Variants in MAGI1 observed in about 807,000 individuals in gnomAD.
MAGI1 encodes the protein membrane associated guanylate kinase, WW and PDZ domain containing 1.
MAGI1 carries 58 observed loss-of-function variants against 139.9 expected under a neutral mutation model. The observed-to-expected ratio is 0.41, with a 90% CI of 0.34 to 0.52. The LOEUF (loss-of-function observed/expected upper bound fraction) is 0.52, where lower values mean the gene tolerates loss of function less well. Ranked by LOEUF, MAGI1 falls within the 20% of genes least tolerant of loss-of-function variation. The pLI, the probability that MAGI1 is intolerant of heterozygous loss-of-function variation, is 0.12. For synonymous variants in MAGI1, 812 were observed against 737.9 expected, an observed-to-expected ratio of 1.10 and a Z score of -1.63; for missense variants, 1,874 against 1,901.6, an observed-to-expected ratio of 0.99 and a Z score of 0.27.
At chr3:65,506,501 A>C (rs1230794457) in intron 2 of MAGI1, among the ~76,000 whole-genome samples, 6 of 152,194 alleles carry the variant, frequency 3.9e-5, no homozygotes, top group Non-Finnish European at 8.8e-5. Context: ...TCCAACCTTG[A>C]TGAAATTTTC....
Position 65,430,079 on chromosome 3 carries a change from C to T in MAGI1, c.1608G>A (p.Val536=). The T allele has an allele frequency of 6.2e-7, 1 of 1,613,812 alleles. No individual in the cohort carries two copies. The highest frequency in any genetic ancestry group is 1.3e-5 in the African/African-American group (1 of 75,016). ...CAATGGGGATGGACTGGAAGATCTT[C>T]ACAACTTGAGCATGTGTGTGTCCCA... is the stretch of plus-strand genomic sequence containing the variant. ...CVLGHTHAQV[V]KIFQSIPIGA... is the part of the protein sequence containing the mutation. Residue 536 remains valine, a synonymous_variant, in exon 12 of 23, where the codon GTG becomes GTA. Transcript: ENST00000402939.
At chr3:65,805,738 C>T (rs1269058858) in intron 1 of MAGI1, among the ~76,000 whole-genome samples, 6 of 152,126 alleles carry the variant, frequency 3.9e-5, no homozygotes, top group African/African-American at 1.4e-4. Flanking sequence ...ACATATACAC[C>T]GTGGAATACT....
intron 1 of MAGI1, among the ~76,000 whole-genome samples, chr3:65,918,405 G>A (rs536498902): frequency 3.4e-4 from 46 of 136,220 alleles, no homozygotes; most frequent in African/African-American, 1.3e-3. Context: ...TTTGTGAGAC[G>A]GAGTCTCGCT....
At chr3:65,672,602 T>C (rs1390981229) in intron 1 of MAGI1, among the ~76,000 whole-genome samples, 2 of 152,108 alleles carry the variant, frequency 1.3e-5, no homozygotes, top group African/African-American at 4.8e-5. Flanking sequence ...AAAAGGATAC[T>C]GAATAGAAGG....
In MAGI1 at chr3:65,356,904, T is replaced by C. The variant is rs765843799; in HGVS notation, c.3863A>G (p.Lys1288Arg). The C allele has an allele frequency of 6.2e-6, 10 of 1,614,030 alleles. No individual in the cohort carries two copies. The highest frequency in any genetic ancestry group is 6.8e-6 in the Non-Finnish European group (8 of 1,180,000). ...GGGTCGGCATGCCCCGCTGTCGGGT[T>C]TCCTCGAAGTCCCATTCCAGGTGTG... Reference protein sequence around the residue: ...EHHTWNGTSRKPDSGACRPKD... With the variant: ...EHHTWNGTSRRPDSGACRPKD... Residue 1288 changes from lysine (K) to arginine (R), a missense_variant, in exon 23 of 23, where the codon AAA (lysine) becomes AGA (arginine). This residue lies in a region of MAGI1 where 653 missense variants were observed against 644.5 expected (regional missense o/e 1.01). Transcript: ENST00000402939.
chr3:66,006,967 A>G (rs989272773), intron 1 of MAGI1, among the ~76,000 whole-genome samples: 23 of 152,030 alleles, frequency 1.5e-4, no homozygotes, highest in Non-Finnish European at 3.2e-4. Context: ...AGTAGCTAGA[A>G]CTACAGGTGC....
chr3:66,002,509 T>A (rs1436551493), intron 1 of MAGI1, among the ~76,000 whole-genome samples: 1 of 152,042 alleles, frequency 6.6e-6, no homozygotes, highest in Non-Finnish European at 1.5e-5. Context: ...ACATAGACTA[T>A]TTTTCTTTTC....
chr3:65,773,411 T>C (rs1173149135), intron 1 of MAGI1, among the ~76,000 whole-genome samples: 1 of 152,094 alleles, frequency 6.6e-6, no homozygotes, highest in Non-Finnish European at 1.5e-5. Flanking sequence ...TGCATGCCTG[T>C]AGTCCCAGCT....
chr3:65,380,774 T>C (rs981024122), intron 16 of MAGI1: 7 of 152,222 alleles, frequency 4.6e-5, no homozygotes, highest in African/African-American at 1.2e-4. Flanking sequence ...GCGAGATAGT[T>C]AGTTTTCATC....
chr3:65,881,638 A>G (rs1327324821), intron 1 of MAGI1, among the ~76,000 whole-genome samples: 1 of 152,178 alleles, frequency 6.6e-6, no homozygotes, highest in African/African-American at 2.4e-5. Context: ...AAAAAAAAAA[A>G]AAGTTAGGAC....
intron 9 of MAGI1, among the ~76,000 whole-genome samples, chr3:65,437,964 C>T (rs1304499868): frequency 6.6e-6 from 1 of 152,092 alleles, no homozygotes; most frequent in Non-Finnish European, 1.5e-5. Context: ...TATACACTGT[C>T]GATGAGAATG....
At chr3:65,708,868 T>C (rs189073626) in intron 1 of MAGI1, among the ~76,000 whole-genome samples, 1 of 152,230 alleles carries the variant, frequency 6.6e-6, no homozygotes, top group East Asian at 1.9e-4. Context: ...GTGATGAACA[T>C]GAGGAGAAAG....
At chr3:65,377,816 A>G (rs186677866) in intron 17 of MAGI1, among the ~76,000 whole-genome samples, 129 of 152,338 alleles carry the variant, frequency 8.5e-4, no homozygotes, top group African/African-American at 2.9e-3. Context: ...CTGCAGCCAC[A>G]CATGCATAGA....
At chr3:65,376,206 T>C (rs1210343814) in intron 17 of MAGI1, among the ~76,000 whole-genome samples, 4 of 152,176 alleles carry the variant, frequency 2.6e-5, no homozygotes, top group Non-Finnish European at 4.4e-5. Flanking sequence ...TCCCCAGCTT[T>C]CCTCCTTAAA....
intron 1 of MAGI1, among the ~76,000 whole-genome samples, chr3:65,909,607 G>A (rs1040175392): frequency 2.0e-5 from 3 of 152,038 alleles, no homozygotes; most frequent in Non-Finnish European, 2.9e-5. Context: ...GATGCAGGAG[G>A]ATCACTTGAG....
At chr3:65,939,460 TTAAA>T (rs2063209405) in intron 1 of MAGI1, among the ~76,000 whole-genome samples, 1 of 152,228 alleles carries the variant, frequency 6.6e-6, no homozygotes, top group Admixed American at 6.5e-5. Flanking sequence ...ACAGTGGATC[TTAAA>T]TTACTCATAA....
chr3:65,876,941 C>T (rs2060140144), intron 1 of MAGI1, among the ~76,000 whole-genome samples: 1 of 152,086 alleles, frequency 6.6e-6, no homozygotes. Context: ...GACGGGGTTT[C>T]ACCATGTTAG....
At chr3:65,898,020 C>T (rs1156616171) in intron 1 of MAGI1, among the ~76,000 whole-genome samples, 1 of 152,082 alleles carries the variant, frequency 6.6e-6, no homozygotes, top group Admixed American at 6.5e-5. Context: ...ACTTGCAGTC[C>T]AAATCCAAAT....
intron 1 of MAGI1, among the ~76,000 whole-genome samples, chr3:65,683,521 A>G (rs969340101): frequency 3.9e-5 from 6 of 152,252 alleles, no homozygotes; most frequent in Non-Finnish European, 7.4e-5. Context: ...GCTGAGAGAA[A>G]ATACATGCAA....
Sources: gnomAD v4.1 joint callset for allele counts (sites outside exome capture counted in the v4.1 genomes callset) on GRCh38, gnomAD v4.1.1 for gene constraint, gnomAD v4.1.1 regional missense constraint, MANE v1.5 for transcripts, NCBI Gene and HGNC (gene_info 2026-07-23, HGNC 2026-07-21) for gene names.